SFMBT2: variants seen among roughly 807,000 people sequenced by gnomAD.
The protein encoded by SFMBT2 is scm-like with four MBT domains protein 2.
Under a neutral mutation model 110.1 loss-of-function variants are expected in SFMBT2, and 38 were observed. The observed-to-expected ratio is 0.35, with a 90% confidence interval of 0.27 to 0.45. The LOEUF (loss-of-function observed/expected upper bound fraction) is 0.45, where lower values mean the gene tolerates loss of function less well. SFMBT2 is among the 20% of genes least tolerant of loss of function. The pLI, the probability that SFMBT2 is intolerant of heterozygous loss-of-function variation, is 1.00. For missense variants in SFMBT2, 1,011 were observed against 1,094.9 expected (o/e 0.92, Z 1.08); for synonymous variants, 425 against 425.4 (o/e 1.00, Z 0.01).
intron 11 of SFMBT2, among the ~76,000 whole-genome samples, chr10:7,208,144 G>C (rs942230710): frequency 1.3e-5 from 2 of 152,102 alleles, no homozygotes; most frequent in African/African-American, 4.8e-5. Flanking sequence ...AAAACGTAAA[G>C]AGACTCTCCC....
intron 7 of SFMBT2, among the ~76,000 whole-genome samples, chr10:7,269,721 T>C (rs1841517721): frequency 1.1e-4 from 1 of 8,880 alleles, no homozygotes. Context: ...TGTGCGTGTG[T>C]GTGTGTGTGT....
intron 7 of SFMBT2, among the ~76,000 whole-genome samples, chr10:7,262,207 C>T (rs1246342131): frequency 6.6e-6 from 1 of 152,184 alleles, no homozygotes; most frequent in Non-Finnish European, 1.5e-5. Context: ...GGTGGCCTAA[C>T]TTGCAAAAGG....
chr10:7,217,571 C>T (rs958058034), intron 11 of SFMBT2, among the ~76,000 whole-genome samples: 23 of 152,112 alleles, frequency 1.5e-4, no homozygotes, highest in African/African-American at 5.6e-4. Context: ...ACAATGCAAG[C>T]AGGCGAACCT....
At chr10:7,333,716 C>A (rs1419751094) in intron 4 of SFMBT2, among the ~76,000 whole-genome samples, 1 of 151,672 alleles carries the variant, frequency 6.6e-6, no homozygotes, top group African/African-American at 2.4e-5. Context: ...ACGGCCTCCC[C>A]GCTTTCTCTC....
chr10:7,250,758 T>C (rs1840779602), intron 7 of SFMBT2, among the ~76,000 whole-genome samples: 2 of 152,230 alleles, frequency 1.3e-5, no homozygotes, highest in Admixed American at 1.3e-4. Flanking sequence ...TTGTTTGACT[T>C]TTTAATAACA....
chr10:7,243,422 T>C (rs1840499858), intron 9 of SFMBT2, 136 bp downstream of exon 9: 1 of 666,382 alleles, frequency 1.5e-6, no homozygotes, highest in Non-Finnish European at 2.6e-6. Context: ...GTCAAGCTGA[T>C]GAAGAACGCC....
chr10:7,271,723 T>C (rs923428080), intron 7 of SFMBT2, among the ~76,000 whole-genome samples: 13 of 152,214 alleles, frequency 8.5e-5, no homozygotes, highest in African/African-American at 3.1e-4. Flanking sequence ...AAGAGGCTTA[T>C]TAGACTTATA....
intron 20 of SFMBT2, among the ~76,000 whole-genome samples, chr10:7,168,253 T>C (rs573501405): frequency 6.6e-6 from 1 of 152,342 alleles, no homozygotes; most frequent in Non-Finnish European, 1.5e-5. Context: ...TTTCACTTTC[T>C]TGCTTATTAC....
chr10:7,348,016 T>C (rs1006810241), intron 4 of SFMBT2: 5 of 303,764 alleles, frequency 1.6e-5, no homozygotes, highest in Non-Finnish European at 2.4e-5. Context: ...GTAAAGTACA[T>C]ACTGCTTTCT....
At chr10:7,236,932 G>A (rs973352027) in intron 9 of SFMBT2, among the ~76,000 whole-genome samples, 1 of 152,182 alleles carries the variant, frequency 6.6e-6, no homozygotes. Flanking sequence ...AAAATGGGCC[G>A]AAGAAGAAAA....
chr10:7,331,210 ATAGGCTAAGACC>A (rs1338813972), intron 4 of SFMBT2, among the ~76,000 whole-genome samples: 24 of 152,208 alleles, frequency 1.6e-4, no homozygotes, highest in Admixed American at 1.5e-3. Context: ...GAATTCCCCC[ATAGGCTAAGACC>A]TTCTCTCTGC....
At chr10:7,251,170 T>A (rs1463023948) in intron 7 of SFMBT2, among the ~76,000 whole-genome samples, 6 of 147,082 alleles carry the variant, frequency 4.1e-5, no homozygotes, top group South Asian at 2.1e-4. Context: ...AATTAAACAT[T>A]AAAAAAAAAA....
chr10:7,341,042 G>T (rs971047890), intron 4 of SFMBT2, among the ~76,000 whole-genome samples: 2 of 152,184 alleles, frequency 1.3e-5, no homozygotes, highest in African/African-American at 4.8e-5. Context: ...CTTTTCTGCA[G>T]CGTGAAATGT....
chr10:7,388,954 G>T (rs1171094057), intron 1 of SFMBT2, among the ~76,000 whole-genome samples: 2 of 152,188 alleles, frequency 1.3e-5, no homozygotes, highest in Non-Finnish European at 2.9e-5. Flanking sequence ...GGAAGTGCAG[G>T]CAAGGGTGTG....
At chr10:7,356,182 GGTTGTCTGTGCAT>G (rs1204172051) in intron 4 of SFMBT2, among the ~76,000 whole-genome samples, 2 of 152,168 alleles carry the variant, frequency 1.3e-5, no homozygotes, top group Non-Finnish European at 2.9e-5. Context: ...GAATACACAT[GGTTGTCTGTGCAT>G]GTGATTCTCT....
In SFMBT2 at chr10:7,381,840, T is replaced by A; in HGVS notation, c.59A>T (p.Lys20Met). ...ATTTCCATTAGCTGAGCCGAGACAC[T>A]TTTCCAAGGGTGAAGATGAAGGGTC... is the stretch of plus-strand genomic sequence containing the variant. ...MQDPSSSPLE[K>M]CLGSANGNGD... Residue 20 changes from lysine to methionine, a missense_variant, in exon 2 of 21, where the codon AAG becomes ATG. This residue lies in a region of SFMBT2 where 979 missense variants were observed against 1,016.1 expected (regional missense o/e 0.96). Transcript: ENST00000397167. 6.2e-7 allele frequency: 1 copy of A among 1,613,628 alleles called. No homozygotes were observed. Among genetic ancestry groups the A allele is most frequent in the Non-Finnish European group, 8.5e-7 (1 of 1,179,754 alleles).
chr10:7,372,777 C>G (rs1845097373), intron 2 of SFMBT2, among the ~76,000 whole-genome samples: 1 of 152,210 alleles, frequency 6.6e-6, no homozygotes, highest in Non-Finnish European at 1.5e-5. Flanking sequence ...ATTGCTCTGC[C>G]CCAACGTCCT....
chr10:7,164,660 C>A (rs1378225507), intron 20 of SFMBT2, among the ~76,000 whole-genome samples: 1 of 151,828 alleles, frequency 6.6e-6, no homozygotes, highest in Admixed American at 6.6e-5. Flanking sequence ...CAGCTCCCTG[C>A]CAAGGTCTGG....
rs150857163 is a variant in SFMBT2, at chr10:7,187,715, T to C, written c.1808+909A>G. ...AGTATAAGTTAACTATAGAGGAAAA[T>C]ATTACCGATCATACAAATTATTTCA... On this transcript the variant is annotated intron_variant, in intron 16 of 20. Transcript: ENST00000397167. 7.9e-5 allele frequency among the ~76,000 whole-genome samples: 12 copies of C among 152,310 alleles called. No homozygotes were observed. In the East Asian group the frequency reaches 2.3e-3, roughly 29 times the overall value.
Sources: allele counts gnomAD v4.1 joint callset (sites outside exome capture counted in the v4.1 genomes callset), GRCh38; gene constraint gnomAD v4.1.1; regional missense constraint gnomAD v4.1.1; transcripts MANE v1.5; gene names NCBI Gene and HGNC (gene_info 2026-07-23, HGNC 2026-07-21).